The following NEURL1 variants were observed in gnomAD, a reference collection of about 807,000 sequenced individuals.
NEURL1 encodes E3 ubiquitin-protein ligase NEURL1.
In NEURL1, 26 loss-of-function variants were observed where a neutral mutation model predicts 41.2. The observed-to-expected ratio is 0.63, with a 90% confidence interval of 0.46 to 0.87. The LOEUF is 0.87. Among genes scored for constraint, NEURL1 ranks in the 40% least tolerant of loss-of-function variants. The pLI, the probability that NEURL1 is intolerant of heterozygous loss-of-function variation, is 0.00. For synonymous variants in NEURL1, 400 were observed against 402.3 expected (o/e 0.99, Z 0.07); for missense variants, 761 against 871.1 (o/e 0.87, Z 1.59).
chr10:103,561,775 A>G (rs1478873870), intron 1 of NEURL1, among the ~76,000 whole-genome samples: 2 of 152,212 alleles, frequency 1.3e-5, no homozygotes, highest in East Asian at 3.9e-4. Flanking sequence ...TTTGATACAC[A>G]AGAAAGAATC....
intron 1 of NEURL1, among the ~76,000 whole-genome samples, chr10:103,564,896 A>T (rs1404524337): frequency 6.6e-6 from 1 of 152,108 alleles, no homozygotes; most frequent in Non-Finnish European, 1.5e-5. Context: ...AGGAGGGGGT[A>T]GCAGGAGCAG....
At chr10:103,535,401 G>A (rs1033753868) in intron 1 of NEURL1, among the ~76,000 whole-genome samples, 1 of 152,130 alleles carries the variant, frequency 6.6e-6, no homozygotes. Flanking sequence ...CTCAGTTCTG[G>A]GATGCACAGT....
chr10:103,564,222 C>T (rs1441540720), intron 1 of NEURL1, among the ~76,000 whole-genome samples: 3 of 152,334 alleles, frequency 2.0e-5, no homozygotes, highest in South Asian at 4.1e-4. Flanking sequence ...TCTGGCAGCT[C>T]ATAAATGCCC....
intron 3 of NEURL1, among the ~76,000 whole-genome samples, chr10:103,575,768 C>T (rs2035649120): frequency 6.6e-6 from 1 of 151,506 alleles, no homozygotes; most frequent in Admixed American, 6.6e-5. Context: ...GGCGCCCTGG[C>T]CCAAGCCCAG....
chr10:103,571,948 G>A lies in NEURL1; in HGVS notation c.649+126G>A, dbSNP rs1240453152. On this transcript the variant is annotated intron_variant, in intron 3 of 5. Transcript: ENST00000369780. ...TCTCTGACTGGTGCCAAGGGGAACC[G>A]GGGCAGCCCTGGGAACCTTGGCATG... The A allele has an allele frequency of 1.6e-5, 15 of 962,202 alleles. No homozygotes were observed. In the East Asian group the frequency reaches 1.6e-4, roughly 10 times the overall value. 59.6% of individuals were successfully genotyped at this position (962,202 alleles called of 1,614,324 possible). A position where few individuals can be genotyped will look rare whatever the true frequency, so the allele number is the denominator to read the frequency against.
intron 1 of NEURL1, among the ~76,000 whole-genome samples, chr10:103,495,175 C>T (rs901876116): frequency 1.3e-5 from 2 of 152,180 alleles, no homozygotes; most frequent in African/African-American, 4.8e-5. Flanking sequence ...TCTCCCCATT[C>T]GGAGCCTGCC....
At position 103,562,384 on chromosome 10, in the gene NEURL1, A is replaced by G. The variant is rs1479225192; in HGVS notation, c.86-8488A>G. Among the ~76,000 whole-genome samples, 3 of 152,194 alleles carry G rather than the reference A, an allele frequency of 2.0e-5. No homozygotes were observed. In the East Asian group the frequency reaches 5.8e-4, roughly 29 times the overall value. ...GGTGACCGAGCCAGACTCCGTCTCAAAGCAAACAAACAAACAAAAAAAGAA... is the reference window on the plus strand; with the variant it reads ...GGTGACCGAGCCAGACTCCGTCTCAGAGCAAACAAACAAACAAAAAAAGAA... On this transcript the variant is annotated intron_variant, in intron 1 of 5. Transcript: ENST00000369780.
intron 1 of NEURL1, among the ~76,000 whole-genome samples, chr10:103,495,970 T>C (rs1449243696): frequency 1.3e-5 from 2 of 152,130 alleles, no homozygotes; most frequent in Non-Finnish European, 2.9e-5. Flanking sequence ...TAGCCGGGCA[T>C]AGTGGTGCGT....
chr10:103,555,814 CAGTT>C (rs2035141182), intron 1 of NEURL1, among the ~76,000 whole-genome samples: 2 of 152,200 alleles, frequency 1.3e-5, no homozygotes, highest in East Asian at 1.9e-4. Context: ...GAGGCAGCCA[CAGTT>C]AGTTAGACAG....
chr10:103,541,073 T>C (rs1340265208), intron 1 of NEURL1, among the ~76,000 whole-genome samples: 1 of 152,142 alleles, frequency 6.6e-6, no homozygotes, highest in Non-Finnish European at 1.5e-5. Context: ...AACTCGATAA[T>C]GTAAGAAATA....
chr10:103,494,027 C>T lies in NEURL1; in HGVS notation c.-361C>T, dbSNP rs2033618069. 3 of 194,180 alleles carry T rather than the reference C, an allele frequency of 1.5e-5. No individual in the cohort carries two copies. The highest frequency in any genetic ancestry group is 1.5e-4 in the South Asian group (1 of 6,896). 12.0% of individuals were successfully genotyped at this position (194,180 alleles called of 1,614,324 possible). On this transcript the variant is annotated 5_prime_UTR_variant, in exon 1 of 6. Coordinates refer to ENST00000369780, the MANE Select transcript of NEURL1 (RefSeq NM_004210.5). ...GACTCTATGGCCCCGGGGGAGCGCG[C>T]CGGAGCCGCCGCGCCGCCCACCCCC... is the stretch of plus-strand genomic sequence containing the variant.
At chr10:103,504,634 T>A (rs578243760) in intron 1 of NEURL1, among the ~76,000 whole-genome samples, 1 of 152,340 alleles carries the variant, frequency 6.6e-6, no homozygotes, top group South Asian at 2.1e-4. Flanking sequence ...TCTATTGCAT[T>A]CTTTGGAAGG....
chr10:103,539,593 G>GA (rs1336504082), intron 1 of NEURL1, among the ~76,000 whole-genome samples: 1 of 152,204 alleles, frequency 6.6e-6, no homozygotes, highest in African/African-American at 2.4e-5. Flanking sequence ...GGTGTGTGGG[G>GA]ACACCAGGGA....
At chr10:103,540,351 C>G (rs1025993897) in intron 1 of NEURL1, among the ~76,000 whole-genome samples, 10 of 151,956 alleles carry the variant, frequency 6.6e-5, no homozygotes, top group African/African-American at 2.4e-4. Context: ...GCGCAGTGGC[C>G]TGATCTCAGC....
chr10:103,517,145 G>T (rs1464536432), intron 1 of NEURL1, among the ~76,000 whole-genome samples: 1 of 152,034 alleles, frequency 6.6e-6, no homozygotes, highest in African/African-American at 2.4e-5. Flanking sequence ...TCCCACCTCA[G>T]CCTCCTGAGT....
intron 1 of NEURL1, among the ~76,000 whole-genome samples, chr10:103,533,277 T>C (rs537646850): frequency 6.6e-6 from 1 of 152,264 alleles, no homozygotes; most frequent in Non-Finnish European, 1.5e-5. Context: ...GATTGCTTTA[T>C]TATGTCTCAT....
chr10:103,497,327 T>G (rs2033709295), intron 1 of NEURL1, among the ~76,000 whole-genome samples: 1 of 152,248 alleles, frequency 6.6e-6, no homozygotes, highest in Non-Finnish European at 1.5e-5. Context: ...GCCAGAGTTC[T>G]GCTGGGATGG....
intron 1 of NEURL1, among the ~76,000 whole-genome samples, chr10:103,495,671 G>C (rs1197702493): frequency 6.6e-6 from 1 of 152,210 alleles, no homozygotes; most frequent in Non-Finnish European, 1.5e-5. Context: ...CAGGGAAGAG[G>C]AGGAGAGATA....
At chr10:103,522,750 A>G (rs1352081027) in intron 1 of NEURL1, among the ~76,000 whole-genome samples, 1 of 152,134 alleles carries the variant, frequency 6.6e-6, no homozygotes. Flanking sequence ...ACGAATTTGC[A>G]TTTACTAGTT....
Sources: gnomAD v4.1 joint callset for allele counts (sites outside exome capture counted in the v4.1 genomes callset) on GRCh38, gnomAD v4.1.1 for gene constraint, MANE v1.5 for transcripts, NCBI Gene and HGNC (gene_info 2026-07-23, HGNC 2026-07-21) for gene names.